Variants in RSU1 observed in about 807,000 individuals in gnomAD.
The protein encoded by RSU1 is Ras suppressor protein 1, also known as rsu-1.
RSU1 carries 26 observed loss-of-function variants against 31.1 expected under a neutral mutation model. The observed-to-expected ratio is 0.84, with a 90% CI of 0.61 to 1.16. RSU1 has a LOEUF of 1.16. Ranked by LOEUF, RSU1 falls within the 50% of genes most tolerant of loss-of-function variation. The pLI is 0.00. For synonymous variants in RSU1, 164 were observed against 136.3 expected (o/e 1.20, Z -1.41); for missense variants, 320 against 339.1 (o/e 0.94, Z 0.44).
At chr10:16,654,361 C>CAAAAA (rs536600415) in intron 8 of RSU1, among the ~76,000 whole-genome samples, 975 of 92,176 alleles carry the variant, frequency 0.011, 24 homozygotes, top group African/African-American at 0.035. Context: ...CCTAAATTTG[C>CAAAAA]AAAAAAAAAA....
intron 8 of RSU1, among the ~76,000 whole-genome samples, chr10:16,643,550 A>G (rs1191300402): frequency 6.6e-6 from 1 of 152,164 alleles, no homozygotes; most frequent in Non-Finnish European, 1.5e-5. Context: ...TAAAATGACA[A>G]ACACCTTGTA....
intron 8 of RSU1, among the ~76,000 whole-genome samples, chr10:16,597,050 A>G (rs1417558947): frequency 1.3e-5 from 2 of 152,220 alleles, no homozygotes; most frequent in Non-Finnish European, 2.9e-5. Context: ...TGACAGAAAG[A>G]TGACTCCACT....
At chr10:16,725,665 G>GAT (rs1564333863) in intron 7 of RSU1, among the ~76,000 whole-genome samples, 1 of 151,564 alleles carries the variant, frequency 6.6e-6, no homozygotes, top group African/African-American at 2.4e-5. Context: ...TTCTCCAGAG[G>GAT]ATGCAGTGTC....
chr10:16,796,377 T>C (rs1430618870), intron 2 of RSU1, among the ~76,000 whole-genome samples: 1 of 152,148 alleles, frequency 6.6e-6, no homozygotes, highest in Non-Finnish European at 1.5e-5. Flanking sequence ...TCACTGTGTG[T>C]GATGTCTCTT....
At chr10:16,763,880 CA>C in intron 4 of RSU1, among the ~76,000 whole-genome samples, 2 of 152,322 alleles carry the variant, frequency 1.3e-5, no homozygotes, top group South Asian at 4.1e-4. Flanking sequence ...TCAGCTGAAT[CA>C]AAACTCCTCT....
At chr10:16,652,559 A>AACAC (rs754335619) in intron 8 of RSU1, among the ~76,000 whole-genome samples, 3 of 151,184 alleles carry the variant, frequency 2.0e-5, no homozygotes, top group Non-Finnish European at 4.4e-5. Context: ...TATACACACA[A>AACAC]ACACACACAC....
chr10:16,633,913 AC>A (rs1834300008), intron 8 of RSU1, among the ~76,000 whole-genome samples: 1 of 152,024 alleles, frequency 6.6e-6, no homozygotes, highest in South Asian at 2.1e-4. Flanking sequence ...ACTGATCACC[AC>A]CTGGTTCGGA....
intron 3 of RSU1, among the ~76,000 whole-genome samples, chr10:16,766,898 G>A (rs1837325078): frequency 6.6e-6 from 1 of 151,552 alleles, no homozygotes; most frequent in South Asian, 2.1e-4. Context: ...GGTGGCGCAT[G>A]CCTGTAGTTC....
intron 7 of RSU1, among the ~76,000 whole-genome samples, chr10:16,718,731 A>G (rs1218560997): frequency 1.3e-5 from 2 of 152,226 alleles, no homozygotes; most frequent in African/African-American, 4.8e-5. Context: ...CTGTATTCCC[A>G]GCACTTTGGG....
intron 8 of RSU1, among the ~76,000 whole-genome samples, chr10:16,661,261 A>G (rs1032980976): frequency 3.5e-5 from 5 of 144,568 alleles, no homozygotes; most frequent in African/African-American, 5.1e-5. Context: ...CTTCCCTGAG[A>G]GTGTATGTGT....
chr10:16,683,049 T>A (rs984850849), intron 8 of RSU1, among the ~76,000 whole-genome samples: 1 of 152,162 alleles, frequency 6.6e-6, no homozygotes, highest in African/African-American at 2.4e-5. Context: ...CTTAAAAGAT[T>A]AACAATAACA....
At chr10:16,754,812 T>C (rs1837049876) in intron 5 of RSU1, 59 bp downstream of exon 5, 1 of 1,047,806 alleles carries the variant, frequency 9.5e-7, no homozygotes. Context: ...CAAATAAATT[T>C]CCCTCTCAGA....
At chr10:16,710,023 C>A (rs1325092717) in intron 7 of RSU1, among the ~76,000 whole-genome samples, 1 of 152,112 alleles carries the variant, frequency 6.6e-6, no homozygotes, top group African/African-American at 2.4e-5. Flanking sequence ...TTTCTCTTCC[C>A]TAATGGCTTA....
rs1833516244 is a variant in RSU1, at chr10:16,592,107, G to A, written c.*1287C>T. ...TATGCCCCAGTGGGTCCTGGTCTTG[G>A]GAGCTCAACTGGGAAGCCGAAAGGA... On this transcript the variant is annotated 3_prime_UTR_variant, in exon 9 of 9. Coordinates refer to ENST00000345264, the MANE Select transcript of RSU1 (RefSeq NM_012425.4). 1 of 151,308 alleles carries A rather than the reference G, an allele frequency of 6.6e-6. No homozygotes were observed. The highest frequency in any genetic ancestry group is 6.6e-5 in the Admixed American group (1 of 15,256). The allele number at this position is 151,308 out of a possible 1,614,324, so 9.4% of individuals were successfully genotyped here.
intron 7 of RSU1, among the ~76,000 whole-genome samples, chr10:16,732,609 A>G (rs1425722345): frequency 1.3e-5 from 2 of 152,196 alleles, no homozygotes; most frequent in East Asian, 3.9e-4. Context: ...CACCCAGTCT[A>G]TGGTATTTTT....
chr10:16,596,297 C>T (rs979012170), intron 8 of RSU1, among the ~76,000 whole-genome samples: 3 of 152,180 alleles, frequency 2.0e-5, no homozygotes, highest in African/African-American at 7.2e-5. Flanking sequence ...GGACTCAACC[C>T]GTGTTCCTCC....
At chr10:16,731,219 GC>G (rs1307198790) in intron 7 of RSU1, among the ~76,000 whole-genome samples, 1 of 151,986 alleles carries the variant, frequency 6.6e-6, no homozygotes, top group Non-Finnish European at 1.5e-5. Flanking sequence ...GTGGCTCAAA[GC>G]TTCTACTGTT....
intron 3 of RSU1, among the ~76,000 whole-genome samples, chr10:16,772,641 G>GAAAAAAAAAAAAAAAAAAAAA (rs60460081): frequency 2.8e-4 from 18 of 64,768 alleles, no homozygotes; most frequent in African/African-American, 8.3e-4. Context: ...AGTAGAATAT[G>GAAAAAAAAAAAAAAAAAAAAA]AAAAAAAAAA....
intron 7 of RSU1, among the ~76,000 whole-genome samples, chr10:16,717,064 AT>A (rs1313948101): frequency 2.0e-5 from 3 of 152,170 alleles, no homozygotes; most frequent in African/African-American, 7.2e-5. Flanking sequence ...AATTAACTTT[AT>A]TTTTTTATTT....
Sources: allele counts gnomAD v4.1 joint callset (sites outside exome capture counted in the v4.1 genomes callset), GRCh38; gene constraint gnomAD v4.1.1; transcripts MANE v1.5; gene names NCBI Gene and HGNC (gene_info 2026-07-23, HGNC 2026-07-21).